The following ZNF652 variants were observed in gnomAD, a reference collection of about 807,000 sequenced individuals.
ZNF652 encodes zinc finger protein 652.
A neutral mutation model predicts 45.2 loss-of-function variants in ZNF652; 16 were observed. That is an observed-to-expected ratio of 0.35 (90% confidence interval 0.24 to 0.54). The LOEUF (loss-of-function observed/expected upper bound fraction) is 0.54, where lower values mean the gene tolerates loss of function less well. Among genes scored for constraint, ZNF652 ranks in the 20% least tolerant of loss-of-function variants. The pLI is 0.91. For synonymous variants in ZNF652, 250 were observed against 260.6 expected (o/e 0.96, Z 0.39); for missense variants, 614 against 765.6 (o/e 0.80, Z 2.34).
At chr17:49,348,339 T>C (rs2070229177) in intron 1 of ZNF652, among the ~76,000 whole-genome samples, 1 of 151,468 alleles carries the variant, frequency 6.6e-6, no homozygotes, top group Non-Finnish European at 1.5e-5. Flanking sequence ...AAAAAAAATT[T>C]AGCTGGACAC....
At chr17:49,355,689 G>T (rs1167399830) in intron 1 of ZNF652, among the ~76,000 whole-genome samples, 1 of 152,044 alleles carries the variant, frequency 6.6e-6, no homozygotes, top group Non-Finnish European at 1.5e-5. Context: ...CACGAGGTCA[G>T]GAGTTCAAGA....
chr17:49,336,965 T>TTTTTTTTA (rs66568404), intron 1 of ZNF652, among the ~76,000 whole-genome samples: 15 of 114,772 alleles, frequency 1.3e-4, no homozygotes, highest in East Asian at 2.6e-4. Context: ...TTTTTTTTTT[T>TTTTTTTTA]AAGTATGTAA....
chr17:49,344,209 AAAAT>A (rs2070180216), intron 1 of ZNF652, among the ~76,000 whole-genome samples: 1 of 151,912 alleles, frequency 6.6e-6, no homozygotes, highest in Admixed American at 6.6e-5. Flanking sequence ...TCAAAAAAAA[AAAAT>A]AATTAGCTAG....
chr17:49,299,135 G>A (rs2069518284), intron 5 of ZNF652, among the ~76,000 whole-genome samples: 1 of 151,910 alleles, frequency 6.6e-6, no homozygotes, highest in Non-Finnish European at 1.5e-5. Flanking sequence ...GTATTCTAGA[G>A]TCATTTAAAA....
At chr17:49,327,750 T>A (rs1203794545) in intron 1 of ZNF652, among the ~76,000 whole-genome samples, 13 of 4,236 alleles carry the variant, frequency 3.1e-3, no homozygotes, top group African/African-American at 0.017. Flanking sequence ...TATATATATA[T>A]ATATATATAT....
chr17:49,325,114 AG>A (rs1388746373), intron 1 of ZNF652, among the ~76,000 whole-genome samples: 1 of 152,166 alleles, frequency 6.6e-6, no homozygotes, highest in Non-Finnish European at 1.5e-5. Flanking sequence ...CTGGCACAAG[AG>A]GCCTACGTTT....
intron 1 of ZNF652, among the ~76,000 whole-genome samples, chr17:49,322,856 G>A (rs943275395): frequency 6.6e-6 from 1 of 152,214 alleles, no homozygotes; most frequent in African/African-American, 2.4e-5. Flanking sequence ...CTGCACTCCA[G>A]CCTGGGTGAC....
At chr17:49,314,009 A>AAAAAAAAAAAAG (rs2069760698) in intron 2 of ZNF652, among the ~76,000 whole-genome samples, 1 of 133,284 alleles carries the variant, frequency 7.5e-6, no homozygotes, top group African/African-American at 2.9e-5. Context: ...AAAAAAAAAA[A>AAAAAAAAAAAAG]AAAAGAAAAG....
Position 49,297,514 on chromosome 17 carries a change from CCT to C in ZNF652, c.*897_*898del, listed in dbSNP as rs1320411173. ...TGGAGGACAGGAGCACATTAGGGAGCCTCTCTTGAGTGTTAAGCAGAGATGTC... is the reference window on the plus strand; with the variant it reads ...TGGAGGACAGGAGCACATTAGGGAGCCTCTTGAGTGTTAAGCAGAGATGTC... On this transcript the variant is annotated 3_prime_UTR_variant, in exon 6 of 6. Coordinates refer to ENST00000430262, the MANE Select transcript of ZNF652 (RefSeq NM_001145365.3). 10 of 152,478 alleles carry C rather than the reference CCT, an allele frequency of 6.6e-5. No individual in the cohort carries two copies. Among genetic ancestry groups the C allele is most frequent in the African/African-American group, 2.4e-4 (10 of 41,418 alleles). The allele number at this position is 152,478 out of a possible 1,614,324, so 9.4% of individuals were successfully genotyped here.
chr17:49,303,181 C>T (rs2069577866), intron 5 of ZNF652, among the ~76,000 whole-genome samples: 1 of 150,672 alleles, frequency 6.6e-6, no homozygotes, highest in Non-Finnish European at 1.5e-5. Context: ...AAAAATACAA[C>T]AAATGTTACC....
chr17:49,350,976 T>C (rs199676300), intron 1 of ZNF652, among the ~76,000 whole-genome samples: 5,937 of 21,174 alleles, frequency 0.28, 265 homozygotes, highest in Admixed American at 0.38. Context: ...TCTACATATA[T>C]ATATATATAT....
At chr17:49,344,418 G>T (rs181903658) in intron 1 of ZNF652, among the ~76,000 whole-genome samples, 9 of 130,216 alleles carry the variant, frequency 6.9e-5, no homozygotes. Flanking sequence ...TTGAAGAAAA[G>T]ATTTTAATTA....
rs201335179 is a variant in ZNF652, at chr17:49,317,581, T to G, written c.145A>C (p.Lys49Gln). 8.7e-6 allele frequency: 14 copies of G among 1,614,172 alleles called. No homozygotes were observed. The highest frequency in any genetic ancestry group is 8.3e-5 in the Admixed American group (5 of 60,016). The part of the protein sequence containing the change: ...GANQELDLST[K>Q]VYKRESGSPY... ...CTTCCTGATTCCCTTTTGTACACTT[T>G]GGTGGACAGGTCAAGTTCTTGGTTG... is the stretch of plus-strand genomic sequence containing the variant. Residue 49 changes from lysine (K) to glutamine (Q), a missense_variant, in exon 2 of 6, where the codon AAA becomes CAA. By Grantham distance (53) the Lys-to-Gln change is moderately conservative. Coordinates refer to ENST00000430262, the MANE Select transcript of ZNF652 (RefSeq NM_001145365.3).
chr17:49,292,213 T>TC lies in ZNF652; in HGVS notation c.*6199dup, dbSNP rs2069413015. 2.0e-5 allele frequency among the ~76,000 whole-genome samples: 3 copies of TC among 152,206 alleles called. No homozygotes were observed. The South Asian group carries it at 6.2e-4, about 32-fold the overall frequency. On this transcript the variant is annotated 3_prime_UTR_variant, in exon 6 of 6. Transcript: ENST00000430262. The stretch of plus-strand genomic sequence containing the variant: ...ATCAAATCTCCTCATTTGAAAGAGT[T>TC]CTTTTTTTTTTTCCTTTTTCTCCAG...
Position 49,313,291 on chromosome 17 carries a change from G to A in ZNF652, c.901-446C>T, listed in dbSNP as rs147069135. On this transcript the variant is annotated intron_variant, in intron 2 of 5. Coordinates refer to ENST00000430262, the MANE Select transcript of ZNF652 (RefSeq NM_001145365.3). The stretch of plus-strand genomic sequence containing the variant: ...CTGCCTCAGCCTCCCAAGTAGCTGG[G>A]ATTACAGGTGGGCGTCACCATTCCC... 5.7e-3 allele frequency among the ~76,000 whole-genome samples: 863 copies of A among 152,190 alleles called. 9 individuals carry two copies. The highest frequency in any genetic ancestry group is 0.02 in the African/African-American group (815 of 41,534).
Position 49,298,894 on chromosome 17 carries a change from CCA to C in ZNF652, c.1338_1339del (p.Cys446TrpfsTer26). The stretch of plus-strand genomic sequence containing the variant: ...GTTGGGGCGGCTGGTGAAGCTTTTG[CCA>C]CAGATTTCACAGATAAAGGGTTTCT... On this transcript the variant is annotated frameshift_variant, in exon 6 of 6. Coordinates refer to ENST00000430262, the MANE Select transcript of ZNF652 (RefSeq NM_001145365.3). LOFTEE classifies it high-confidence loss of function. 6.2e-7 allele frequency: 1 copy of C among 1,612,540 alleles called. No individual in the cohort carries two copies. The highest frequency in any genetic ancestry group is 8.5e-7 in the Non-Finnish European group (1 of 1,179,430).
intron 1 of ZNF652, among the ~76,000 whole-genome samples, chr17:49,357,847 C>A (rs755239337): frequency 6.6e-6 from 1 of 152,182 alleles, no homozygotes; most frequent in Non-Finnish European, 1.5e-5. Context: ...GTTCCGCCAG[C>A]CATAGAGCAA....
At chr17:49,303,574 T>C (rs1482494024) in intron 5 of ZNF652, among the ~76,000 whole-genome samples, 1 of 152,096 alleles carries the variant, frequency 6.6e-6, no homozygotes, top group Non-Finnish European at 1.5e-5. Flanking sequence ...TATGATTTAC[T>C]TGTACAATAA....
intron 1 of ZNF652, among the ~76,000 whole-genome samples, chr17:49,335,388 G>A (rs750497312): frequency 1.4e-4 from 21 of 151,988 alleles, no homozygotes; most frequent in Non-Finnish European, 2.4e-4. Context: ...ACGAACTCAC[G>A]GGATTCCCTT....
Sources: gnomAD v4.1 joint callset for allele counts (sites outside exome capture counted in the v4.1 genomes callset) on GRCh38, gnomAD v4.1.1 for gene constraint, MANE v1.5 for transcripts, NCBI Gene and HGNC (gene_info 2026-07-23, HGNC 2026-07-21) for gene names.